The following CCDC158 variants were observed in gnomAD, a reference collection of about 807,000 sequenced individuals.
CCDC158 encodes the protein coiled-coil domain-containing protein 158.
A neutral mutation model predicts 138.6 loss-of-function variants in CCDC158; 116 were observed. The ratio of observed to expected loss-of-function variants is 0.84; its 90% CI spans 0.72 to 0.98. The LOEUF (loss-of-function observed/expected upper bound fraction) is 0.98. CCDC158 is among the 50% of genes least tolerant of loss of function. The probability of loss-of-function intolerance (pLI) is 0.00; values close to 1 mark genes in which losing one functional copy is unlikely to be tolerated. For missense variants in CCDC158, 1,265 were observed against 1,306.1 expected (o/e 0.97, Z 0.48); for synonymous variants, 436 against 442.4 (o/e 0.99, Z 0.18).
intron 17 of CCDC158, 85 bp from the exon 18 acceptor site, chr4:76,351,206 C>A: frequency 7.6e-7 from 1 of 1,313,012 alleles, no homozygotes; most frequent in Non-Finnish European, 1.0e-6. Flanking sequence ...TTTTTGATTT[C>A]ACAGGCAAAA....
At chr4:76,395,139 A>C (rs1260168638) in intron 4 of CCDC158, among the ~76,000 whole-genome samples, 1 of 152,150 alleles carries the variant, frequency 6.6e-6, no homozygotes, top group Non-Finnish European at 1.5e-5. Context: ...AAAACAAATT[A>C]AGACACTGTT....
intron 4 of CCDC158, among the ~76,000 whole-genome samples, chr4:76,395,946 G>C (rs190020744): frequency 6.6e-6 from 1 of 152,220 alleles, no homozygotes; most frequent in East Asian, 1.9e-4. Flanking sequence ...AGGACAGCAG[G>C]TCTATGCCAA....
At chr4:76,359,823 G>A (rs1723956942) in intron 13 of CCDC158, among the ~76,000 whole-genome samples, 1 of 152,252 alleles carries the variant, frequency 6.6e-6, no homozygotes, top group Non-Finnish European at 1.5e-5. Context: ...CAACCATGCA[G>A]TTGAAAAGAA....
intron 18 of CCDC158, among the ~76,000 whole-genome samples, chr4:76,339,126 C>T (rs1721814403): frequency 6.6e-6 from 1 of 152,002 alleles, no homozygotes; most frequent in African/African-American, 2.4e-5. Flanking sequence ...AGACAAAGGA[C>T]CATGCATTAA....
intron 3 of CCDC158, among the ~76,000 whole-genome samples, chr4:76,397,929 C>T (rs1332791770): frequency 6.6e-6 from 1 of 152,086 alleles, no homozygotes; most frequent in Non-Finnish European, 1.5e-5. Flanking sequence ...AGGCAAAATA[C>T]AAGGTGAGCC....
intron 3 of CCDC158, chr4:76,401,457 C>T (rs1340783392): frequency 7.8e-6 from 3 of 385,012 alleles, no homozygotes; most frequent in Non-Finnish European, 1.5e-5. Context: ...GTGCTGAGGC[C>T]TTGAGTGCAT....
At chr4:76,375,333 C>A in intron 9 of CCDC158, 1 of 415,706 alleles carries the variant, frequency 2.4e-6, no homozygotes, top group East Asian at 3.5e-5. Context: ...CCAATCATAT[C>A]AAATCACACG....
chr4:76,391,751 AC>A (rs1445974918), intron 4 of CCDC158, among the ~76,000 whole-genome samples: 2 of 151,964 alleles, frequency 1.3e-5, no homozygotes, highest in African/African-American at 4.8e-5. Context: ...GAGAAGATAA[AC>A]AAAATTGACA....
At chr4:76,344,611 T>G in intron 18 of CCDC158, 1 of 1,404,724 alleles carries the variant, frequency 7.1e-7, no homozygotes, top group Non-Finnish European at 1.0e-6. Flanking sequence ...ATACCTGATG[T>G]GCTCAGTGAG....
intron 3 of CCDC158, among the ~76,000 whole-genome samples, chr4:76,400,864 A>C (rs1728312089): frequency 6.6e-6 from 1 of 152,214 alleles, no homozygotes; most frequent in African/African-American, 2.4e-5. Context: ...TAAAGGGGAA[A>C]GGAAGTTGAG....
Position 76,396,434 on chromosome 4 carries a change from G to A in CCDC158, c.123C>T (p.Asn41=). 1 of 1,613,876 alleles carries A rather than the reference G, an allele frequency of 6.2e-7. No individual in the cohort carries two copies. Among genetic ancestry groups the A allele is most frequent in the Non-Finnish European group, 8.5e-7 (1 of 1,179,898 alleles). Residue 41 remains asparagine, a synonymous_variant, in exon 4 of 25, where the codon AAC becomes AAT. Coordinates refer to ENST00000682701, the MANE Select transcript of CCDC158 (RefSeq NM_001394954.1). Reference sequence around the variant, plus strand: ...GTGTCAAAGTCCCAGCTGAAGATGTGTTTTCAATTATTGTACCACGAATAG... The same window carrying A: ...GTGTCAAAGTCCCAGCTGAAGATGTATTTTCAATTATTGTACCACGAATAG... ...VSSIRGTIIE[N]TSSAGTLTQV... is the part of the protein sequence containing the mutation.
chr4:76,361,517 A>G (rs1387424675), intron 13 of CCDC158, among the ~76,000 whole-genome samples: 1 of 152,154 alleles, frequency 6.6e-6, no homozygotes, highest in Non-Finnish European at 1.5e-5. Context: ...AGCTGAGATC[A>G]CGCCACTGCA....
chr4:76,396,569 T>C, intron 3 of CCDC158, 83 bp from the exon 4 acceptor site: 1 of 1,004,532 alleles, frequency 1.0e-6, no homozygotes. Context: ...TGGAGTGCAA[T>C]GGCGCGATCT....
At chr4:76,370,735 A>T (rs1725151931) in intron 10 of CCDC158, among the ~76,000 whole-genome samples, 1 of 152,176 alleles carries the variant, frequency 6.6e-6, no homozygotes, top group East Asian at 1.9e-4. Context: ...ACACTGAAAA[A>T]CATGCAAATG....
chr4:76,356,301 C>T (rs1723555823), intron 14 of CCDC158, among the ~76,000 whole-genome samples: 1 of 152,062 alleles, frequency 6.6e-6, no homozygotes, highest in African/African-American at 2.4e-5. Context: ...CATTTGCTCA[C>T]CACTTTGAAG....
In CCDC158 at chr4:76,369,426, C is replaced by T. The variant is rs77341402; in HGVS notation, c.1347G>A (p.Gln449=). ...TGGCACAGCCTGTGCAGGCACTGAC[C>T]TGCCGCTCCATCTGGCCCTGACACT... ...KSECQGQMER[Q]MAAIQGKNES... is the part of the protein sequence containing the mutation. Residue 449 remains glutamine, a splice_region_variant and synonymous_variant, in exon 11 of 25, where the codon CAG becomes CAA. Transcript: ENST00000682701. The T allele has an allele frequency of 5.6e-3, 9,020 of 1,613,890 alleles. 413 individuals carry two copies. In the African/African-American group the frequency reaches 0.1, roughly 18 times the overall value.
At chr4:76,322,480 A>G (rs895224882) in intron 24 of CCDC158, among the ~76,000 whole-genome samples, 2 of 152,220 alleles carry the variant, frequency 1.3e-5, no homozygotes, top group Admixed American at 6.5e-5. Context: ...GCTCTGAGTA[A>G]AAGGCCTGGC....
At chr4:76,337,881 C>G (rs1297982135) in intron 18 of CCDC158, among the ~76,000 whole-genome samples, 2 of 152,218 alleles carry the variant, frequency 1.3e-5, no homozygotes, top group East Asian at 3.8e-4. Flanking sequence ...CTACCCCAGT[C>G]CTTTGATCCT....
At chr4:76,360,569 T>C (rs1412354545) in intron 13 of CCDC158, among the ~76,000 whole-genome samples, 2 of 152,232 alleles carry the variant, frequency 1.3e-5, no homozygotes, top group African/African-American at 2.4e-5. Context: ...ATGCCCTGAA[T>C]GTGAGACATG....
Sources: gnomAD v4.1 joint callset for allele counts (sites outside exome capture counted in the v4.1 genomes callset) on GRCh38, gnomAD v4.1.1 for gene constraint, MANE v1.5 for transcripts, NCBI Gene and HGNC (gene_info 2026-07-23, HGNC 2026-07-21) for gene names.